Variants in LBH observed in about 807,000 individuals in gnomAD.
LBH encodes protein LBH.
LBH carries 7 observed loss-of-function variants against 12.5 expected under a neutral mutation model. That is an observed-to-expected ratio of 0.56 (90% CI 0.32 to 1.05). The LOEUF (loss-of-function observed/expected upper bound fraction) is 1.05, where lower values mean the gene tolerates loss of function less well. LBH is among the 50% of genes least tolerant of loss of function. LBH has a pLI of 0.04. For missense variants in LBH, 119 were observed against 138.9 expected (o/e 0.86, Z 0.72); for synonymous variants, 51 against 50.1 (o/e 1.02, Z -0.08).
chr2:30,256,999 C>CT (rs1352479793), intron 2 of LBH, among the ~76,000 whole-genome samples: 5 of 152,232 alleles, frequency 3.3e-5, no homozygotes, highest in Non-Finnish European at 7.3e-5. Context: ...AACCTGCTCA[C>CT]TTAGTGCCAA....
chr2:30,232,259 CT>C, intron 1 of LBH: 1 of 1,516,590 alleles, frequency 6.6e-7, no homozygotes, highest in Non-Finnish European at 8.8e-7. Flanking sequence ...GGGAAACGCT[CT>C]CCCCACACGT....
At chr2:30,235,399 A>T (rs1188475561) in intron 2 of LBH, among the ~76,000 whole-genome samples, 1 of 152,060 alleles carries the variant, frequency 6.6e-6, no homozygotes, top group East Asian at 1.9e-4. Flanking sequence ...AGGGAGTGTG[A>T]TGGGTCCATG....
intron 2 of LBH, among the ~76,000 whole-genome samples, chr2:30,243,304 G>A (rs553406639): frequency 7.8e-4 from 119 of 152,274 alleles, no homozygotes; most frequent in African/African-American, 2.5e-3. Context: ...ACAGGTCAGC[G>A]ATTACTCAGC....
intron 2 of LBH, among the ~76,000 whole-genome samples, chr2:30,249,310 T>C (rs1358781210): frequency 6.6e-6 from 1 of 152,176 alleles, no homozygotes; most frequent in Non-Finnish European, 1.5e-5. Context: ...ACAGGTGGGT[T>C]TTTTATTTGA....
intron 2 of LBH, among the ~76,000 whole-genome samples, chr2:30,242,425 G>A (rs534621764): frequency 8.5e-5 from 13 of 152,130 alleles, no homozygotes; most frequent in African/African-American, 3.1e-4. Flanking sequence ...TGTATTTTTA[G>A]TAGAGACGGG....
intron 2 of LBH, among the ~76,000 whole-genome samples, chr2:30,240,784 C>T (rs780384451): frequency 3.3e-5 from 5 of 152,162 alleles, no homozygotes; most frequent in African/African-American, 4.8e-5. Context: ...TGCCTCCCAC[C>T]GGCAGTAGCT....
chr2:30,245,257 G>A (rs941545137), intron 2 of LBH, among the ~76,000 whole-genome samples: 1 of 152,152 alleles, frequency 6.6e-6, no homozygotes, highest in African/African-American at 2.4e-5. Context: ...TTTTTAATAG[G>A]TCATGGTTGC....
chr2:30,239,953 G>C (rs1235094969), intron 2 of LBH, among the ~76,000 whole-genome samples: 1 of 152,192 alleles, frequency 6.6e-6, no homozygotes, highest in Non-Finnish European at 1.5e-5. Flanking sequence ...TCTGTAGCCT[G>C]GTCAGGGAGA....
At chr2:30,235,847 G>A (rs1019032159) in intron 2 of LBH, among the ~76,000 whole-genome samples, 1 of 152,134 alleles carries the variant, frequency 6.6e-6, no homozygotes, top group Non-Finnish European at 1.5e-5. Context: ...GTCTATATTG[G>A]CAGGCCTGTC....
intron 2 of LBH, among the ~76,000 whole-genome samples, chr2:30,251,843 G>C (rs1202006141): frequency 2.0e-5 from 3 of 152,166 alleles, no homozygotes; most frequent in Admixed American, 2.0e-4. Flanking sequence ...GTATGAGGAT[G>C]ATGAAGGCAG....
At chr2:30,241,043 C>T (rs772716195) in intron 2 of LBH, among the ~76,000 whole-genome samples, 6 of 152,224 alleles carry the variant, frequency 3.9e-5, no homozygotes, top group Non-Finnish European at 8.8e-5. Context: ...TTGAACTCAT[C>T]TTCCAGCTTT....
chr2:30,234,435 T>A lies in LBH; in HGVS notation c.57T>A (p.Thr19=). 2 of 1,614,152 alleles carry A rather than the reference T, an allele frequency of 1.2e-6. No individual in the cohort carries two copies. The highest frequency in any genetic ancestry group is 2.2e-5 in the South Asian group (2 of 91,088). ...ACTATCTGAGATCGGCCAAGATGAC[T>A]GAGGTGATGATGAACACCCAGCCCA... ...CPDYLRSAKM[T]EVMMNTQPME... The change falls in exon 2 of 3, where the codon ACT becomes ACA. Residue 19 remains threonine, a synonymous_variant. Coordinates refer to ENST00000395323, the MANE Select transcript of LBH (RefSeq NM_030915.4).
chr2:30,238,923 T>A (rs1225239476), intron 2 of LBH, among the ~76,000 whole-genome samples: 1 of 143,404 alleles, frequency 7.0e-6, no homozygotes, highest in Admixed American at 7.1e-5. Context: ...GAAGTCTCGC[T>A]GTGTCGCCCA....
intron 2 of LBH, among the ~76,000 whole-genome samples, chr2:30,251,256 C>G (rs1572383038): frequency 6.6e-6 from 1 of 151,910 alleles, no homozygotes; most frequent in East Asian, 1.9e-4. Flanking sequence ...CATAGTCACA[C>G]ATGGCAAGTG....
intron 2 of LBH, among the ~76,000 whole-genome samples, chr2:30,243,496 C>T (rs1677823246): frequency 6.7e-6 from 1 of 150,086 alleles, no homozygotes; most frequent in African/African-American, 2.5e-5. Flanking sequence ...AGAAATATTC[C>T]TTCCCTGGAA....
At position 30,249,560 on chromosome 2, in the gene LBH, G is replaced by A. The variant is rs572365522; in HGVS notation, c.130-7873G>A. ...GGTTGGGGGCGGGGTAGTGACAAGG[G>A]CATGGTTTTCATTCCCCCGGTCCTA... On this transcript the variant is annotated intron_variant, in intron 2 of 2. Coordinates refer to ENST00000395323, the MANE Select transcript of LBH (RefSeq NM_030915.4). Among the ~76,000 whole-genome samples, 112 of 152,328 alleles carry A rather than the reference G, an allele frequency of 7.4e-4. No individual in the cohort carries two copies. In the Middle Eastern group the frequency reaches 0.02, roughly 28 times the overall value.
chr2:30,253,430 G>C (rs1252032622), intron 2 of LBH, among the ~76,000 whole-genome samples: 1 of 152,166 alleles, frequency 6.6e-6, no homozygotes, highest in Non-Finnish European at 1.5e-5. Flanking sequence ...AATAAAATAA[G>C]ATCTCTGATG....
chr2:30,248,811 C>T (rs567412132), intron 2 of LBH, among the ~76,000 whole-genome samples: 2 of 152,310 alleles, frequency 1.3e-5, no homozygotes, highest in African/African-American at 2.4e-5. Flanking sequence ...ATTTGGAACT[C>T]CTGACTCGCA....
chr2:30,232,346 A>G, intron 1 of LBH: 1 of 1,146,738 alleles, frequency 8.7e-7, no homozygotes, highest in African/African-American at 1.6e-5. Flanking sequence ...GCCCCTAAAA[A>G]CCGACGCACA....
Sources: allele counts gnomAD v4.1 joint callset (sites outside exome capture counted in the v4.1 genomes callset), GRCh38; gene constraint gnomAD v4.1.1; transcripts MANE v1.5; gene names NCBI Gene and HGNC (gene_info 2026-07-23, HGNC 2026-07-21).